Variants in TMEM132B observed in about 807,000 individuals in gnomAD.
The protein encoded by TMEM132B is transmembrane protein 132B.
Under a neutral mutation model 90.8 loss-of-function variants are expected in TMEM132B, and 18 were observed. The ratio of observed to expected loss-of-function variants is 0.20; its 90% CI spans 0.14 to 0.29. The LOEUF is 0.29. Ranked by LOEUF, TMEM132B falls within the 10% of genes least tolerant of loss-of-function variation. The pLI, the probability that TMEM132B is intolerant of heterozygous loss-of-function variation, is 1.00. For missense variants in TMEM132B, 1,096 were observed against 1,326.8 expected, an observed-to-expected ratio of 0.83 and a Z score of 2.70; for synonymous variants, 504 against 523.3, an observed-to-expected ratio of 0.96 and a Z score of 0.50.
intron 2 of TMEM132B, among the ~76,000 whole-genome samples, chr12:125,365,265 T>C (rs1179752558): frequency 1.3e-5 from 2 of 152,056 alleles, no homozygotes; most frequent in Non-Finnish European, 2.9e-5. Context: ...GCTTAACTTT[T>C]CACAGTCTAT....
chr12:125,368,546 T>C (rs1878199596), intron 2 of TMEM132B, among the ~76,000 whole-genome samples: 1 of 152,222 alleles, frequency 6.6e-6, no homozygotes. Context: ...AGTCATGATT[T>C]CCTTTTTTGC....
chr12:125,375,283 T>C (rs1260493479), intron 2 of TMEM132B, among the ~76,000 whole-genome samples: 1 of 152,204 alleles, frequency 6.6e-6, no homozygotes. Context: ...TATGCAACAG[T>C]CTCTAAAGAC....
chr12:125,649,866 C>T (rs958160083), intron 6 of TMEM132B, among the ~76,000 whole-genome samples: 2 of 152,098 alleles, frequency 1.3e-5, no homozygotes, highest in African/African-American at 4.8e-5. Flanking sequence ...TAGAGGATAA[C>T]AGGTGCCAGG....
At chr12:125,365,518 T>G (rs1348632712) in intron 2 of TMEM132B, among the ~76,000 whole-genome samples, 1 of 152,136 alleles carries the variant, frequency 6.6e-6, no homozygotes, top group African/African-American at 2.4e-5. Flanking sequence ...TTTCTGGGGA[T>G]CTAAGTTTTC....
intron 5 of TMEM132B, among the ~76,000 whole-genome samples, chr12:125,599,199 G>A (rs1885513660): frequency 6.6e-6 from 1 of 152,124 alleles, no homozygotes; most frequent in South Asian, 2.1e-4. Context: ...AGTCTCACGA[G>A]ATCTGATTGT....
intron 5 of TMEM132B, among the ~76,000 whole-genome samples, chr12:125,610,758 T>C (rs1885806408): frequency 1.3e-5 from 2 of 152,146 alleles, no homozygotes; most frequent in Admixed American, 6.5e-5. Flanking sequence ...AAAATAAATA[T>C]ATGAAGCTAT....
At chr12:125,526,937 A>G (rs1334803940) in intron 4 of TMEM132B, among the ~76,000 whole-genome samples, 1 of 147,104 alleles carries the variant, frequency 6.8e-6, no homozygotes, top group Middle Eastern at 3.4e-3. Context: ...CCTTCCATCC[A>G]CCCATCCACC....
intron 4 of TMEM132B, among the ~76,000 whole-genome samples, chr12:125,531,127 A>G (rs1883635583): frequency 6.6e-6 from 1 of 152,226 alleles, no homozygotes; most frequent in African/African-American, 2.4e-5. Context: ...AGGACAGGAC[A>G]GAACTTTTAC....
At chr12:125,215,531 C>T (rs527403264) in intron 1 of TMEM132B, among the ~76,000 whole-genome samples, 1 of 152,108 alleles carries the variant, frequency 6.6e-6, no homozygotes, top group Non-Finnish European at 1.5e-5. Flanking sequence ...CTCCAACTCT[C>T]CTGCCTCTTT....
At chr12:125,235,264 C>G (rs1412755563) in intron 1 of TMEM132B, among the ~76,000 whole-genome samples, 2 of 152,196 alleles carry the variant, frequency 1.3e-5, no homozygotes, top group Non-Finnish European at 2.9e-5. Flanking sequence ...CCTGCCAAAG[C>G]TGGGACTAGC....
At chr12:125,448,115 T>C (rs978490738) in intron 3 of TMEM132B, among the ~76,000 whole-genome samples, 2 of 152,018 alleles carry the variant, frequency 1.3e-5, no homozygotes, top group African/African-American at 2.4e-5. Context: ...AATACAAAAA[T>C]TAGCTGGGCA....
At chr12:125,599,145 C>T (rs1310835162) in intron 5 of TMEM132B, among the ~76,000 whole-genome samples, 3 of 152,242 alleles carry the variant, frequency 2.0e-5, no homozygotes, top group South Asian at 4.1e-4. Flanking sequence ...GTAACTGAAT[C>T]AGGGGTGTGG....
intron 4 of TMEM132B, among the ~76,000 whole-genome samples, chr12:125,559,202 CA>C (rs1051850395): frequency 6.6e-6 from 1 of 152,036 alleles, no homozygotes; most frequent in Non-Finnish European, 1.5e-5. Flanking sequence ...CCTCTCTCTA[CA>C]AAAAATTAAA....
intron 2 of TMEM132B, among the ~76,000 whole-genome samples, chr12:125,398,527 G>A (rs538403373): frequency 3.9e-4 from 59 of 152,326 alleles, no homozygotes; most frequent in Non-Finnish European, 6.8e-4. Flanking sequence ...GTAGGGACTG[G>A]CGGTGGGGGG....
intron 4 of TMEM132B, among the ~76,000 whole-genome samples, chr12:125,583,319 G>A (rs1167622027): frequency 6.6e-6 from 1 of 152,148 alleles, no homozygotes; most frequent in Admixed American, 6.5e-5. Flanking sequence ...GGAGATTCTG[G>A]AGGTGTCGGG....
intron 1 of TMEM132B, among the ~76,000 whole-genome samples, chr12:125,296,421 G>A (rs1875674353): frequency 6.6e-6 from 1 of 152,086 alleles, no homozygotes; most frequent in Non-Finnish European, 1.5e-5. Flanking sequence ...GGCCTTCCGG[G>A]ACCTCTCTAC....
At chr12:125,556,167 C>G (rs561515100) in intron 4 of TMEM132B, among the ~76,000 whole-genome samples, 7 of 152,270 alleles carry the variant, frequency 4.6e-5, no homozygotes, top group African/African-American at 1.7e-4. Flanking sequence ...CTTCTTTTTG[C>G]CACTCATCTC....
At chr12:125,478,912 C>CT (rs1360831982) in intron 3 of TMEM132B, among the ~76,000 whole-genome samples, 1 of 152,224 alleles carries the variant, frequency 6.6e-6, no homozygotes, top group African/African-American at 2.4e-5. Flanking sequence ...TAGCAGATCT[C>CT]TCGGCAGAAA....
intron 1 of TMEM132B, among the ~76,000 whole-genome samples, chr12:125,225,291 C>T (rs752235875): frequency 6.6e-6 from 1 of 152,204 alleles, no homozygotes; most frequent in Non-Finnish European, 1.5e-5. Flanking sequence ...GCAGGACCAG[C>T]CGCACCATTT....
Sources: allele counts gnomAD v4.1 joint callset (sites outside exome capture counted in the v4.1 genomes callset), GRCh38; gene constraint gnomAD v4.1.1; transcripts MANE v1.5; gene names NCBI Gene and HGNC (gene_info 2026-07-23, HGNC 2026-07-21).